The following PLAGL1 variants were observed in gnomAD, a reference collection of about 807,000 sequenced individuals.
PLAGL1 encodes PLAG1 like zinc finger 1, also known as zinc finger protein PLAGL1.
In PLAGL1, 1 loss-of-function variant was observed where a neutral mutation model predicts 4.6. The ratio of observed to expected loss-of-function variants is 0.22; its 90% CI spans 0.08 to 1.03. PLAGL1 has a LOEUF of 1.03. Among genes scored for constraint, PLAGL1 ranks in the 50% least tolerant of loss-of-function variants. The pLI, the probability that PLAGL1 is intolerant of heterozygous loss-of-function variation, is 0.58. For synonymous variants in PLAGL1, 240 were observed against 237.8 expected, an observed-to-expected ratio of 1.01 and a Z score of -0.08; for missense variants, 464 against 570.4, an observed-to-expected ratio of 0.81 and a Z score of 1.90.
At chr6:144,060,231 T>G (rs1229527860) in intron 1 of PLAGL1, among the ~76,000 whole-genome samples, 6 of 152,122 alleles carry the variant, frequency 3.9e-5, no homozygotes, top group African/African-American at 1.4e-4. Flanking sequence ...TATTTTTTAA[T>G]AGAGGTGGGG....
At position 143,945,354 on chromosome 6, in the gene PLAGL1, C is replaced by A. The variant is rs1207885102; in HGVS notation, c.152+2631G>T. The stretch of plus-strand genomic sequence containing the variant: ...GATTGCTCACATTAGGACCTCCAAC[C>A]TTGCCAAATCATCTTTTCTTGCCTG... On this transcript the variant is annotated intron_variant, in intron 7 of 7. Coordinates refer to ENST00000674357, the MANE Select transcript of PLAGL1 (RefSeq NM_001317162.2). This position sits in a 1 kb window ranked among gnomAD's most constrained non-coding sequence, Gnocchi z 4.2. 6.6e-6 allele frequency among the ~76,000 whole-genome samples: 1 copy of A among 152,200 alleles called. No homozygotes were observed. Among genetic ancestry groups the A allele is most frequent in the African/African-American group, 2.4e-5 (1 of 41,448 alleles).
chr6:144,025,384 G>A lies in PLAGL1; in HGVS notation c.-151+39084C>T, dbSNP rs148786370. 2.6e-5 allele frequency among the ~76,000 whole-genome samples: 4 copies of A among 152,168 alleles called. No homozygotes were observed. In the East Asian group the frequency reaches 7.7e-4, roughly 29 times the overall value. ...ATCCTGGAATAGAAAAAGGACTTAG[G>A]GGAAAATGACTGGAATCCATCCAAA... On this transcript the variant is annotated intron_variant, in intron 1 of 3. Coordinates refer to the PLAGL1 transcript ENST00000437412.
At chr6:144,029,843 C>A (rs1200049751) in intron 1 of PLAGL1, among the ~76,000 whole-genome samples, 1 of 152,224 alleles carries the variant, frequency 6.6e-6, no homozygotes, top group Non-Finnish European at 1.5e-5. Flanking sequence ...ACTGTTTGAT[C>A]TCACATTTCC....
Position 143,989,969 on chromosome 6 carries a change from C to T in PLAGL1, c.-583-4795G>A, listed in dbSNP as rs1308573078. The stretch of plus-strand genomic sequence containing the variant: ...CATCTCTGCCTTCTATCTCTAAACT[C>T]AGAAACTTCCCCATATCCACAGGAG... On this transcript the variant is annotated intron_variant, in intron 1 of 7. Transcript: ENST00000674357. The surrounding 1 kb of genome is among the most constrained non-coding windows in gnomAD (Gnocchi z 4.8). Among the ~76,000 whole-genome samples, 1 of 152,142 alleles carries T rather than the reference C, an allele frequency of 6.6e-6. No homozygotes were observed. Among genetic ancestry groups the T allele is most frequent in the East Asian group, 1.9e-4 (1 of 5,192 alleles).
intron 6 of PLAGL1, among the ~76,000 whole-genome samples, chr6:143,956,163 G>C (rs1223398426): frequency 6.6e-6 from 1 of 152,210 alleles, no homozygotes; most frequent in Non-Finnish European, 1.5e-5. Flanking sequence ...CTCATATCCT[G>C]TCAGTGACTC....
intron 2 of PLAGL1, among the ~76,000 whole-genome samples, chr6:143,977,238 A>G (rs562052845): frequency 6.6e-6 from 1 of 152,212 alleles, no homozygotes; most frequent in South Asian, 2.1e-4. Context: ...TATGGGTTTG[A>G]AAAAATTTAT....
In PLAGL1 at chr6:144,001,785, C is replaced by T. The variant is rs115694620; in HGVS notation, c.-584+6305G>A. ...CAATGAGAAGGGCACAACAGCTCTG[C>T]GATATTCTTCTCTCAAAATCCATAA... On this transcript the variant is annotated intron_variant, in intron 1 of 7. Transcript: ENST00000674357. Among the ~76,000 whole-genome samples, 1,098 of 152,204 alleles carry T rather than the reference C, an allele frequency of 7.2e-3. 6 individuals are homozygous for T. Among genetic ancestry groups the T allele is most frequent in the African/African-American group, 0.025 (1,045 of 41,544 alleles).
upstream of PLAGL1, among the ~76,000 whole-genome samples, chr6:144,012,246 GCT>G (rs1795238593): frequency 6.6e-6 from 1 of 151,892 alleles, no homozygotes; most frequent in African/African-American, 2.4e-5. This position sits in a 1 kb window ranked among gnomAD's most constrained non-coding sequence, Gnocchi z 4.8. Context: ...ACAGAGTCTC[GCT>G]CTGTCACCCA....
chr6:143,977,786 C>T (rs982494568), intron 2 of PLAGL1, among the ~76,000 whole-genome samples: 1 of 152,052 alleles, frequency 6.6e-6, no homozygotes, highest in Non-Finnish European at 1.5e-5. Flanking sequence ...AGGTGTGAGC[C>T]ACTGCACCCG....
At position 143,942,035 on chromosome 6, in the gene PLAGL1, G is replaced by T. The variant is rs1221438937; in HGVS notation, c.781C>A (p.His261Asn). The T allele has an allele frequency of 6.2e-7, 1 of 1,604,864 alleles. No homozygotes were observed. The highest frequency in any genetic ancestry group is 8.5e-7 in the Non-Finnish European group (1 of 1,175,458). ...GLASSLPAEV[H>N]SLTLSPPEQA... ...TCTGGGGGACTGAGGGTGAGGCTAT[G>T]GACCTCAGCTGGCAAGCTACTTGCA... is the stretch of plus-strand genomic sequence containing the variant. The change falls in exon 8 of 8, where the codon CAT (histidine) becomes AAT (asparagine). Residue 261 changes from histidine (H) to asparagine (N), a missense_variant. His to Asn is a moderately conservative substitution (Grantham distance 68). Coordinates refer to ENST00000674357, the MANE Select transcript of PLAGL1 (RefSeq NM_001317162.2). The surrounding 1 kb of genome is among the most constrained non-coding windows in gnomAD (Gnocchi z 7.6).
chr6:144,002,539 A>C (rs527944709), intron 1 of PLAGL1, among the ~76,000 whole-genome samples: 1 of 152,146 alleles, frequency 6.6e-6, no homozygotes, highest in Non-Finnish European at 1.5e-5. Context: ...AACAAAAACA[A>C]ATCTGCATAC....
intron 2 of PLAGL1, among the ~76,000 whole-genome samples, chr6:143,981,227 T>G (rs1562488160): frequency 1.7e-5 from 2 of 116,374 alleles, no homozygotes; most frequent in Non-Finnish European, 3.3e-5. Flanking sequence ...CCCACTTATA[T>G]ACAAGGTTTT....
Position 144,059,015 on chromosome 6 carries a change from AG to A in PLAGL1, c.-151+5452del, listed in dbSNP as rs1225158656. 2.0e-5 allele frequency among the ~76,000 whole-genome samples: 3 copies of A among 152,218 alleles called. No homozygotes were observed. In the East Asian group the frequency reaches 5.8e-4, roughly 29 times the overall value. Reference sequence around the variant, plus strand: ...TGGGGGTACTCTGTGTGGTGGCTCCAGCCCCACATTTTCCCTCTACATTGCC... The same window carrying A: ...TGGGGGTACTCTGTGTGGTGGCTCCACCCCACATTTTCCCTCTACATTGCC... On this transcript the variant is annotated intron_variant, in intron 1 of 3. Transcript: ENST00000437412. The surrounding 1 kb of genome is among the most constrained non-coding windows in gnomAD (Gnocchi z 4.9).
intron 7 of PLAGL1, among the ~76,000 whole-genome samples, chr6:143,943,031 ATTT>A (rs61216054): frequency 6.2e-5 from 4 of 64,640 alleles, no homozygotes; most frequent in South Asian, 8.8e-4. Flanking sequence ...GGCCTGGCTA[ATTT>A]TTTTTTTTTT....
Position 143,941,085 on chromosome 6 carries a change from ATAAAGT to A in PLAGL1, c.*333_*338del, listed in dbSNP as rs1205947860. On this transcript the variant is annotated 3_prime_UTR_variant, in exon 8 of 8. Coordinates refer to ENST00000674357, the MANE Select transcript of PLAGL1 (RefSeq NM_001317162.2). This position sits in a 1 kb window ranked among gnomAD's most constrained non-coding sequence, Gnocchi z 6.0. ...TAGTTCCCTTACTAGGCAGTGCCACATAAAGTTATTTAGTTAACATTATGATCATGG... is the reference window on the plus strand; with the variant it reads ...TAGTTCCCTTACTAGGCAGTGCCACATATTTAGTTAACATTATGATCATGG... The A allele has an allele frequency of 1.7e-5, 3 of 175,482 alleles. No individual in the cohort carries two copies. The highest frequency in any genetic ancestry group is 7.1e-5 in the African/African-American group (3 of 42,348). 10.9% of individuals were successfully genotyped at this position (175,482 alleles called of 1,614,324 possible).
Position 143,948,572 on chromosome 6 carries a change from T to C in PLAGL1, c.-324-112A>G, listed in dbSNP as rs146943464. ...ACAATCAACACGTTCCTTTAAATGG[T>C]GCTCATGGAACACAGTTCTCCATGT... On this transcript the variant is annotated intron_variant, in intron 6 of 7. Transcript: ENST00000674357. The surrounding 1 kb of genome is among the most constrained non-coding windows in gnomAD (Gnocchi z 6.0). 5.9e-6 allele frequency: 1 copy of C among 168,586 alleles called. No homozygotes were observed. Among genetic ancestry groups the C allele is most frequent in the Non-Finnish European group, 1.3e-5 (1 of 77,120 alleles). The allele number at this position is 168,586 out of a possible 1,614,324, so 10.4% of individuals were successfully genotyped here.
intron 1 of PLAGL1, among the ~76,000 whole-genome samples, chr6:143,993,331 A>AAC (rs746624620): frequency 0.04 from 5,743 of 142,256 alleles, 155 homozygotes; most frequent in African/African-American, 0.076. Flanking sequence ...AACAAAACAA[A>AAC]ACACACACAC....
In PLAGL1 at chr6:143,947,164, A is replaced by G. The variant is rs1369086169; in HGVS notation, c.152+821T>C. 1.3e-5 allele frequency among the ~76,000 whole-genome samples: 2 copies of G among 152,212 alleles called. No individual in the cohort carries two copies. On this transcript the variant is annotated intron_variant, in intron 7 of 7. Coordinates refer to ENST00000674357, the MANE Select transcript of PLAGL1 (RefSeq NM_001317162.2). This position sits in a 1 kb window ranked among gnomAD's most constrained non-coding sequence, Gnocchi z 4.3. ...TGCCTTTAAAACTGATCAAATGCAC[A>G]TGCTGCTCATCTGCATACCCACCTG...
intron 1 of PLAGL1, among the ~76,000 whole-genome samples, chr6:144,043,732 G>C (rs1239817597): frequency 2.6e-5 from 4 of 152,122 alleles, no homozygotes; most frequent in Non-Finnish European, 5.9e-5. Flanking sequence ...CTATTGATTG[G>C]AATTGTTTCA....
Sources: allele counts gnomAD v4.1 joint callset (sites outside exome capture counted in the v4.1 genomes callset), GRCh38; gene constraint gnomAD v4.1.1; non-coding constraint Gnocchi (gnomAD v3.1); transcripts MANE v1.5; gene names NCBI Gene and HGNC (gene_info 2026-07-23, HGNC 2026-07-21).